The following DCAF17 variants were observed in gnomAD, a reference collection of about 807,000 sequenced individuals.
DCAF17 encodes DDB1- and CUL4-associated factor 17.
In DCAF17, 48 loss-of-function variants were observed where a neutral mutation model predicts 66.0. That is an observed-to-expected ratio of 0.73 (90% CI 0.58 to 0.92). DCAF17 has a LOEUF of 0.92. Among genes scored for constraint, DCAF17 ranks in the 40% least tolerant of loss-of-function variants. The pLI, the probability that DCAF17 is intolerant of heterozygous loss-of-function variation, is 0.00. For missense variants in DCAF17, 562 were observed against 622.8 expected (o/e 0.90, Z 1.04); for synonymous variants, 206 against 214.6 (o/e 0.96, Z 0.35).
chr2:171,434,541 G>C lies in DCAF17; in HGVS notation c.-37G>C. On this transcript the variant is annotated 5_prime_UTR_variant, in exon 1 of 14. Transcript: ENST00000375255. ...CACGGGAGTGTGGGGCGCGCCACTCGGCGGCCCAGCCTACCCAGGGCCCGG... is the reference window on the plus strand; with the variant it reads ...CACGGGAGTGTGGGGCGCGCCACTCCGCGGCCCAGCCTACCCAGGGCCCGG... 1 of 1,523,616 alleles carries C rather than the reference G, an allele frequency of 6.6e-7. No homozygotes were observed. The highest frequency in any genetic ancestry group is 1.2e-5 in the South Asian group (1 of 83,370). 94.4% of individuals were successfully genotyped at this position (1,523,616 alleles called of 1,614,324 possible).
intron 2 of DCAF17, among the ~76,000 whole-genome samples, chr2:171,439,869 A>G (rs1694204563): frequency 6.6e-6 from 1 of 152,160 alleles, no homozygotes; most frequent in East Asian, 1.9e-4. Context: ...TGGAGGTTGC[A>G]GTGAGTTGTG....
intron 6 of DCAF17, among the ~76,000 whole-genome samples, chr2:171,454,346 G>T (rs1031267244): frequency 6.7e-6 from 1 of 150,138 alleles, no homozygotes; most frequent in Admixed American, 6.6e-5. Context: ...GTGCAGTGGC[G>T]CAATCTCTGC....
At chr2:171,440,921 G>GTGCC (rs1374246422) in intron 2 of DCAF17, among the ~76,000 whole-genome samples, 3 of 152,216 alleles carry the variant, frequency 2.0e-5, no homozygotes, top group African/African-American at 7.2e-5. Flanking sequence ...TATGAGGACA[G>GTGCC]ACGGGTGGCA....
chr2:171,480,553 G>A (rs149584945), intron 13 of DCAF17, among the ~76,000 whole-genome samples: 18 of 152,196 alleles, frequency 1.2e-4, no homozygotes, highest in Non-Finnish European at 2.6e-4. Context: ...CTAAGCATGC[G>A]GGATTCCCAG....
Position 171,481,183 on chromosome 2 carries a change from T to G in DCAF17, c.*69T>G, listed in dbSNP as rs1281554162. 2 of 1,589,996 alleles carry G rather than the reference T, an allele frequency of 1.3e-6. No homozygotes were observed. Among genetic ancestry groups the G allele is most frequent in the Non-Finnish European group, 1.7e-6 (2 of 1,159,162 alleles). ...CCCCAGCAGCTGCGTCCAATCCATT[T>G]TATTATCTGCATGGCACATTCTCCA... is the stretch of plus-strand genomic sequence containing the variant. On this transcript the variant is annotated 3_prime_UTR_variant, in exon 14 of 14. Coordinates refer to ENST00000375255, the MANE Select transcript of DCAF17 (RefSeq NM_025000.4).
intron 6 of DCAF17, among the ~76,000 whole-genome samples, chr2:171,454,245 C>T (rs11696032): frequency 0.68 from 103,471 of 151,620 alleles, 35,683 homozygotes; most frequent in East Asian, 0.95. Context: ...AGAATTAAAA[C>T]AGATTGGCTA....
intron 9 of DCAF17, chr2:171,472,916 A>G: frequency 3.0e-6 from 1 of 338,744 alleles, no homozygotes; most frequent in South Asian, 2.7e-5. Context: ...AAGTTAATAT[A>G]TCCAAGTTGA....
Position 171,458,087 on chromosome 2 carries a change from T to A in DCAF17, c.732+12T>A. 1 of 1,607,730 alleles carries A rather than the reference T, an allele frequency of 6.2e-7. No homozygotes were observed. The highest frequency in any genetic ancestry group is 1.7e-4 in the Middle Eastern group (1 of 6,052). ...CCATCGCTGAACAGGTAGAGAAAAC[T>A]GAAATTTGTCATGTTACTATTAGCA... On this transcript the variant is annotated intron_variant, in intron 7 of 13. Transcript: ENST00000375255.
rs1042095533 is a variant in DCAF17 at position 171,483,212 on chromosome 2, G to A, written c.*2098G>A. The A allele has an allele frequency of 2.2e-5, 10 of 454,090 alleles. 1 individual carries two copies. Among genetic ancestry groups the A allele is most frequent in the Admixed American group, 4.7e-5 (2 of 42,570 alleles). The allele number at this position is 454,090 out of a possible 1,614,324, so 28.1% of individuals were successfully genotyped here. On this transcript the variant is annotated 3_prime_UTR_variant, in exon 14 of 14. Coordinates refer to ENST00000375255, the MANE Select transcript of DCAF17 (RefSeq NM_025000.4). Reference sequence around the variant, plus strand: ...CACACAGCTGCTCATTCTGCCACCTGCCAGACATTAATGTCTTCCTGCCCT... The same window carrying A: ...CACACAGCTGCTCATTCTGCCACCTACCAGACATTAATGTCTTCCTGCCCT...
chr2:171,451,328 T>A (rs886892322), intron 5 of DCAF17, among the ~76,000 whole-genome samples: 3 of 152,172 alleles, frequency 2.0e-5, no homozygotes, highest in Non-Finnish European at 2.9e-5. Flanking sequence ...GCATGCCTTT[T>A]ATTGGAATCT....
intron 6 of DCAF17, among the ~76,000 whole-genome samples, chr2:171,455,161 C>A (rs60837517): frequency 0.038 from 5,810 of 151,862 alleles, 367 homozygotes; most frequent in African/African-American, 0.13. Flanking sequence ...TCCGATAGGC[C>A]CGAGTGTGTG....
rs1256723119 is a variant in DCAF17, at chr2:171,480,069, T to C, written c.1298T>C (p.Leu433Ser). The C allele has an allele frequency of 1.9e-6, 3 of 1,613,862 alleles. No individual in the cohort carries two copies. Among genetic ancestry groups the C allele is most frequent in the Non-Finnish European group, 2.5e-6 (3 of 1,179,768 alleles). ...TFKIVDYEDE[L>S]DLLSVVAVTQ... ...AAAATTGTGGACTATGAAGATGAGT[T>C]AGATTTGCTTTCTGTGGTAGCTGTT... Residue 433 changes from leucine to serine, a missense_variant, in exon 13 of 14, where the codon TTA (leucine) becomes TCA (serine). Coordinates refer to ENST00000375255, the MANE Select transcript of DCAF17 (RefSeq NM_025000.4).
chr2:171,435,000 G>T, intron 1 of DCAF17, 83 bp from the exon 2 acceptor site: 1 of 1,197,606 alleles, frequency 8.3e-7, no homozygotes, highest in South Asian at 1.3e-5. Context: ...TAATATAGGT[G>T]ACATTATGTT....
intron 3 of DCAF17, among the ~76,000 whole-genome samples, chr2:171,446,713 A>G (rs911592496): frequency 6.6e-6 from 1 of 152,196 alleles, no homozygotes; most frequent in South Asian, 2.1e-4. Context: ...GGAGACTGCT[A>G]AGTTGAGAAT....
At chr2:171,435,803 A>C (rs1249317606) in intron 2 of DCAF17, among the ~76,000 whole-genome samples, 2 of 152,240 alleles carry the variant, frequency 1.3e-5, no homozygotes, top group Non-Finnish European at 2.9e-5. Flanking sequence ...CATTTTTAAA[A>C]AAATGAGCTT....
chr2:171,469,332 T>A (rs187600867), intron 9 of DCAF17, among the ~76,000 whole-genome samples: 25 of 152,302 alleles, frequency 1.6e-4, no homozygotes, highest in Admixed American at 8.5e-4. Context: ...GAATCACCAA[T>A]GGAATGTGTT....
chr2:171,467,707 G>A (rs1224443298), intron 8 of DCAF17, among the ~76,000 whole-genome samples: 4 of 141,824 alleles, frequency 2.8e-5, no homozygotes, highest in Non-Finnish European at 6.1e-5. Context: ...TCCAGCCTAG[G>A]TGACAGAGCG....
chr2:171,470,179 A>G (rs943683977), intron 9 of DCAF17, among the ~76,000 whole-genome samples: 6 of 152,100 alleles, frequency 3.9e-5, no homozygotes, highest in Admixed American at 2.6e-4. Context: ...GCGCACCACC[A>G]TGCCTGGCTA....
At position 171,481,174 on chromosome 2, in the gene DCAF17, C is replaced by G. The variant is rs749985794; in HGVS notation, c.*60C>G. The G allele has an allele frequency of 1.7e-5, 27 of 1,603,930 alleles. No individual in the cohort carries two copies. The South Asian group carries it at 2.9e-4, about 17-fold the overall frequency. ...AGCCAAACACCCCAGCAGCTGCGTC[C>G]AATCCATTTTATTATCTGCATGGCA... On this transcript the variant is annotated 3_prime_UTR_variant, in exon 14 of 14. Coordinates refer to ENST00000375255, the MANE Select transcript of DCAF17 (RefSeq NM_025000.4).
Sources: allele counts gnomAD v4.1 joint callset (sites outside exome capture counted in the v4.1 genomes callset), GRCh38; gene constraint gnomAD v4.1.1; transcripts MANE v1.5; gene names NCBI Gene and HGNC (gene_info 2026-07-23, HGNC 2026-07-21).